CD86: variants seen among roughly 807,000 people sequenced by gnomAD.
The protein encoded by CD86 is CD86 molecule, also known as T-lymphocyte activation antigen CD86.
CD86 carries 11 observed loss-of-function variants against 32.1 expected under a neutral mutation model. The observed-to-expected ratio is 0.34, with a 90% CI of 0.22 to 0.57. The LOEUF (loss-of-function observed/expected upper bound fraction) is 0.57, where lower values mean the gene tolerates loss of function less well. Among genes scored for constraint, CD86 ranks in the 20% least tolerant of loss-of-function variants. CD86 has a pLI of 0.86. For synonymous variants in CD86, 137 were observed against 135.3 expected, an observed-to-expected ratio of 1.01 and a Z score of -0.09; for missense variants, 359 against 398.4, an observed-to-expected ratio of 0.90 and a Z score of 0.84.
At chr3:122,084,715 G>A (rs1394792276) in intron 1 of CD86, among the ~76,000 whole-genome samples, 1 of 152,188 alleles carries the variant, frequency 6.6e-6, no homozygotes. Context: ...TACTCCCAGA[G>A]AGACAGGTAG....
chr3:122,081,879 A>C (rs1576767067), intron 1 of CD86, among the ~76,000 whole-genome samples: 1 of 152,172 alleles, frequency 6.6e-6, no homozygotes, highest in Admixed American at 6.5e-5. Context: ...GCTGTTCTCC[A>C]TGTCTTCTGA....
At chr3:122,077,572 A>G (rs1416029499) in intron 1 of CD86, among the ~76,000 whole-genome samples, 1 of 152,218 alleles carries the variant, frequency 6.6e-6, no homozygotes, top group Non-Finnish European at 1.5e-5. Context: ...TGCCTGTCAC[A>G]TGGTTGCCCA....
At chr3:122,106,159 AC>A (rs756426456) in intron 3 of CD86, 38 bp from the exon 4 acceptor site, 2 of 1,477,420 alleles carry the variant, frequency 1.4e-6, no homozygotes, top group Admixed American at 4.0e-5. Flanking sequence ...ATACATCTAA[AC>A]TTAGATTGAT....
chr3:122,086,506 T>A (rs879003903), intron 1 of CD86: 72 of 444,616 alleles, frequency 1.6e-4, no homozygotes, highest in South Asian at 1.1e-3. Context: ...TCCTTCCTTT[T>A]CTGCCCAAGT....
chr3:122,076,135 A>T (rs1201192938), intron 1 of CD86, among the ~76,000 whole-genome samples: 1 of 152,246 alleles, frequency 6.6e-6, no homozygotes, highest in Non-Finnish European at 1.5e-5. Flanking sequence ...CTAATTTAGT[A>T]TTAACACAAA....
intron 1 of CD86, among the ~76,000 whole-genome samples, chr3:122,086,831 T>C (rs1229978609): frequency 2.6e-5 from 4 of 152,196 alleles, no homozygotes; most frequent in African/African-American, 9.6e-5. Flanking sequence ...CCCGTCTGTC[T>C]CAGAGGCTAG....
intron 6 of CD86, among the ~76,000 whole-genome samples, chr3:122,118,384 G>A (rs2073289487): frequency 6.6e-6 from 1 of 152,180 alleles, no homozygotes; most frequent in Non-Finnish European, 1.5e-5. Flanking sequence ...ATCTGCCACA[G>A]TAACCCCAGT....
At chr3:122,059,434 A>G (rs148587829) in intron 1 of CD86, among the ~76,000 whole-genome samples, 26 of 151,892 alleles carry the variant, frequency 1.7e-4, no homozygotes, top group African/African-American at 6.3e-4. Flanking sequence ...TACTTGGGAG[A>G]CTGAGGCACG....
intron 1 of CD86, among the ~76,000 whole-genome samples, chr3:122,069,328 G>T (rs1290704981): frequency 1.3e-5 from 2 of 152,000 alleles, no homozygotes; most frequent in Non-Finnish European, 2.9e-5. Context: ...TTACATCTGT[G>T]AATTTTAAGG....
chr3:122,106,135 C>T (rs927364463), intron 3 of CD86, 63 bp from the exon 4 acceptor site: 5 of 1,261,210 alleles, frequency 4.0e-6, no homozygotes, highest in African/African-American at 1.5e-5. Context: ...CAGTTATTTG[C>T]TATTCCCTCC....
At chr3:122,085,491 C>G (rs1000812203) in intron 1 of CD86, among the ~76,000 whole-genome samples, 3 of 152,210 alleles carry the variant, frequency 2.0e-5, no homozygotes, top group African/African-American at 7.2e-5. Flanking sequence ...TCTGGACAGG[C>G]ACCAGCTTCC....
intron 5 of CD86, among the ~76,000 whole-genome samples, chr3:122,112,933 G>A (rs1366422837): frequency 6.6e-6 from 1 of 152,162 alleles, no homozygotes; most frequent in Non-Finnish European, 1.5e-5. Flanking sequence ...GGTGATTTCT[G>A]AGACTTTGGT....
intron 4 of CD86, among the ~76,000 whole-genome samples, chr3:122,107,953 T>C (rs1364718304): frequency 6.6e-6 from 1 of 152,242 alleles, no homozygotes; most frequent in Non-Finnish European, 1.5e-5. Context: ...CTTGGCCAGA[T>C]AGAAGCCTCT....
intron 1 of CD86, among the ~76,000 whole-genome samples, chr3:122,077,390 G>A (rs1303150711): frequency 6.6e-6 from 1 of 152,196 alleles, no homozygotes; most frequent in East Asian, 1.9e-4. Flanking sequence ...ATACAATTGG[G>A]GTTAGATTAG....
At chr3:122,060,826 C>T (rs1184788371) in intron 1 of CD86, among the ~76,000 whole-genome samples, 2 of 152,076 alleles carry the variant, frequency 1.3e-5, no homozygotes, top group East Asian at 1.9e-4. Context: ...AGATTTGAGG[C>T]TTCGCAGAGG....
Position 122,096,531 on chromosome 3 carries a change from T to TA in CD86, c.64+4888dup, listed in dbSNP as rs1160190143. 7.2e-5 allele frequency among the ~76,000 whole-genome samples: 11 copies of TA among 152,182 alleles called. 1 individual carries two copies. The highest frequency in any genetic ancestry group is 4.2e-4 in the South Asian group (2 of 4,816). On this transcript the variant is annotated intron_variant, in intron 2 of 6. Transcript: ENST00000330540. ...TATCATTAATAATGTTAAAAATAAATAAAAAAACAAAAACAAGTAAATCAA... is the reference window on the plus strand; with the variant it reads ...TATCATTAATAATGTTAAAAATAAATAAAAAAAACAAAAACAAGTAAATCAA...
intron 1 of CD86, among the ~76,000 whole-genome samples, chr3:122,090,288 A>G (rs1437440245): frequency 6.6e-6 from 1 of 152,244 alleles, no homozygotes; most frequent in Non-Finnish European, 1.5e-5. Context: ...AGCAGAGGAA[A>G]GAAACACATA....
At position 122,103,768 on chromosome 3, in the gene CD86, G is replaced by T. The variant is rs139011683; in HGVS notation, c.321G>T (p.Leu107Phe). The T allele has an allele frequency of 9.3e-6, 15 of 1,614,042 alleles. No homozygotes were observed. The African/African-American group carries it at 1.2e-4, about 13-fold the overall frequency. Residue 107 changes from leucine (L) to phenylalanine (F), a missense_variant, in exon 3 of 7, where the codon TTG becomes TTT. Coordinates refer to ENST00000330540, the MANE Select transcript of CD86 (RefSeq NM_175862.5). ...LHNLQIKDKG[L>F]YQCIIHHKKP... ...ATCTTCAGATCAAGGACAAGGGCTT[G>T]TATCAATGTATCATCCATCACAAAA...
At chr3:122,108,320 G>T (rs780523760) in intron 4 of CD86, among the ~76,000 whole-genome samples, 1 of 152,180 alleles carries the variant, frequency 6.6e-6, no homozygotes, top group Non-Finnish European at 1.5e-5. Context: ...CAGCCTCCAC[G>T]TTAGTAAGTA....
Sources: gnomAD v4.1 joint callset for allele counts (sites outside exome capture counted in the v4.1 genomes callset) on GRCh38, gnomAD v4.1.1 for gene constraint, MANE v1.5 for transcripts, NCBI Gene and HGNC (gene_info 2026-07-23, HGNC 2026-07-21) for gene names.